The following UNC45B variants were observed in gnomAD, a reference collection of about 807,000 sequenced individuals.
UNC45B encodes the protein unc-45 myosin chaperone B.
Under a neutral mutation model 98.7 loss-of-function variants are expected in UNC45B, and 78 were observed. The ratio of observed to expected loss-of-function variants is 0.79; its 90% CI spans 0.66 to 0.95. The LOEUF (loss-of-function observed/expected upper bound fraction) is 0.95, where lower values mean the gene tolerates loss of function less well. Ranked by LOEUF, UNC45B falls within the 40% of genes least tolerant of loss-of-function variation. UNC45B has a pLI of 0.00. For missense variants in UNC45B, 1,225 were observed against 1,184.9 expected (o/e 1.03, Z -0.50); for synonymous variants, 462 against 480.4 (o/e 0.96, Z 0.50).
Position 35,159,525 on chromosome 17 carries a change from C to G in UNC45B, c.959C>G (p.Thr320Ser). Reference protein sequence around the residue: ...KDLAIHDNSRTIYVVDNGLRK... With the variant: ...KDLAIHDNSRSIYVVDNGLRK... ...CTTGCCATTCATGACAACTCACGTACCATCTATGTGGTGGATAATGGTGAG... is the reference window on the plus strand; with the variant it reads ...CTTGCCATTCATGACAACTCACGTAGCATCTATGTGGTGGATAATGGTGAG... Residue 320 changes from threonine (T) to serine (S), a missense_variant, in exon 8 of 20, where the codon ACC (threonine) becomes AGC (serine). Physicochemically the swap from Thr to Ser is moderately conservative, Grantham distance 58. Transcript: ENST00000394570. 6.2e-7 allele frequency: 1 copy of G among 1,614,002 alleles called. No individual in the cohort carries two copies. Among genetic ancestry groups the G allele is most frequent in the Non-Finnish European group, 8.5e-7 (1 of 1,179,958 alleles).
At chr17:35,158,132 T>C (rs1224585224) in intron 7 of UNC45B, among the ~76,000 whole-genome samples, 1 of 152,230 alleles carries the variant, frequency 6.6e-6, no homozygotes, top group Non-Finnish European at 1.5e-5. Context: ...TGCTGTGGCC[T>C]CCCAAAATAT....
intron 17 of UNC45B, among the ~76,000 whole-genome samples, chr17:35,177,841 T>C (rs1005179357): frequency 6.7e-6 from 1 of 148,590 alleles, no homozygotes; most frequent in Admixed American, 6.7e-5. Context: ...TTTTCTTTTG[T>C]CTTTTCTTTT....
chr17:35,169,768 G>T, intron 10 of UNC45B, 69 bp from the exon 11 acceptor site: 1 of 1,396,742 alleles, frequency 7.2e-7, no homozygotes, highest in Non-Finnish European at 1.0e-6. Flanking sequence ...ACCTGTTTGA[G>T]CAAGGCTTCA....
chr17:35,163,388 C>T (rs2092115416), intron 8 of UNC45B, among the ~76,000 whole-genome samples: 1 of 152,170 alleles, frequency 6.6e-6, no homozygotes, highest in Non-Finnish European at 1.5e-5. Flanking sequence ...TTAACAAAGA[C>T]ATGACTGTTG....
Position 35,168,242 on chromosome 17 carries a change from C to A in UNC45B, c.1333C>A (p.Leu445Ile). The A allele has an allele frequency of 6.3e-7, 1 of 1,586,308 alleles. No homozygotes were observed. Among genetic ancestry groups the A allele is most frequent in the East Asian group, 2.3e-5 (1 of 42,744 alleles). Residue 445 changes from leucine to isoleucine, a missense_variant, in exon 10 of 20, where the codon CTC becomes ATC. Coordinates refer to ENST00000394570, the MANE Select transcript of UNC45B (RefSeq NM_001267052.2). Reference sequence around the variant, plus strand: ...GGACCAGCTGGTGGCCGTGGAGGCCCTCATCCATGCCTCCACGAAGCTCAG... The same window carrying A: ...GGACCAGCTGGTGGCCGTGGAGGCCATCATCCATGCCTCCACGAAGCTCAG... Reference protein sequence around the residue: ...ETDQLVAVEALIHASTKLSRA... With the variant: ...ETDQLVAVEAIIHASTKLSRA...
At chr17:35,151,603 T>G (rs189146677) in intron 4 of UNC45B, among the ~76,000 whole-genome samples, 43 of 152,270 alleles carry the variant, frequency 2.8e-4, no homozygotes, top group African/African-American at 7.9e-4. Flanking sequence ...GGGTGTTGGT[T>G]TCCTCTCTGT....
intron 19 of UNC45B, among the ~76,000 whole-genome samples, chr17:35,185,480 G>A (rs1211882011): frequency 2.0e-5 from 3 of 151,900 alleles, no homozygotes; most frequent in Non-Finnish European, 4.4e-5. Context: ...GCTAATTTTT[G>A]TATTTTTAGT....
At chr17:35,155,957 T>C (rs1389441048) in intron 7 of UNC45B, among the ~76,000 whole-genome samples, 2 of 152,194 alleles carry the variant, frequency 1.3e-5, no homozygotes, top group Non-Finnish European at 2.9e-5. Context: ...CAAGCGTCTA[T>C]TGGTGGGTGA....
intron 1 of UNC45B, 35 bp from the exon 2 acceptor site, chr17:35,148,229 G>A: frequency 2.5e-6 from 4 of 1,612,154 alleles, no homozygotes; most frequent in Non-Finnish European, 2.5e-6. Flanking sequence ...CTGCAGTGAG[G>A]GGCTGACCAG....
At chr17:35,167,167 G>T (rs8077306) in intron 9 of UNC45B, among the ~76,000 whole-genome samples, 1 of 152,018 alleles carries the variant, frequency 6.6e-6, no homozygotes, top group Non-Finnish European at 1.5e-5. Flanking sequence ...CGGGCATCAC[G>T]CTAGGCCTTT....
At chr17:35,153,281 A>G (rs369820472) in intron 5 of UNC45B, among the ~76,000 whole-genome samples, 2 of 152,294 alleles carry the variant, frequency 1.3e-5, no homozygotes, top group African/African-American at 2.4e-5. Flanking sequence ...AGCATTGATT[A>G]TTATTCGATT....
At chr17:35,161,605 G>A (rs1325255626) in intron 8 of UNC45B, among the ~76,000 whole-genome samples, 4 of 152,156 alleles carry the variant, frequency 2.6e-5, no homozygotes, top group Non-Finnish European at 5.9e-5. Flanking sequence ...TTAAATGCAT[G>A]CTTGTTGCAT....
Position 35,172,411 on chromosome 17 carries a change from G to A in UNC45B, c.1830+949G>A, listed in dbSNP as rs572348253. ...ATTCCAGGCATGCACCACCATGCCC[G>A]GCTAATTTTGTGTTTTCAGTAGAAA... is the stretch of plus-strand genomic sequence containing the variant. On this transcript the variant is annotated intron_variant, in intron 13 of 19. Transcript: ENST00000394570. 1.2e-4 allele frequency among the ~76,000 whole-genome samples: 18 copies of A among 152,092 alleles called. No homozygotes were observed. In the South Asian group the frequency reaches 1.2e-3, roughly 11 times the overall value.
chr17:35,172,092 C>CT (rs2092191272), intron 13 of UNC45B, among the ~76,000 whole-genome samples: 1 of 152,044 alleles, frequency 6.6e-6, no homozygotes, highest in South Asian at 2.1e-4. Flanking sequence ...CACATGACTG[C>CT]TGTTGGCATT....
chr17:35,154,482 T>A, intron 5 of UNC45B, 92 bp from the exon 6 acceptor site: 1 of 1,198,862 alleles, frequency 8.3e-7, no homozygotes, highest in Non-Finnish European at 1.2e-6. Context: ...GAAGATCCAG[T>A]CTTTGCACTG....
intron 10 of UNC45B, among the ~76,000 whole-genome samples, 193 bp downstream of exon 10, chr17:35,168,554 A>T (rs1291758237): frequency 2.0e-5 from 3 of 152,166 alleles, no homozygotes; most frequent in Non-Finnish European, 4.4e-5. Flanking sequence ...CAGAACCGTG[A>T]ACTCTGCTGC....
intron 15 of UNC45B, 135 bp downstream of exon 15, chr17:35,176,169 C>A: frequency 2.5e-6 from 2 of 802,356 alleles, no homozygotes; most frequent in Middle Eastern, 4.6e-4. Context: ...GTGCTCATAG[C>A]CCCAAGCCAA....
At chr17:35,180,303 A>G (rs1252876409) in intron 17 of UNC45B, among the ~76,000 whole-genome samples, 1 of 145,808 alleles carries the variant, frequency 6.9e-6, no homozygotes. Flanking sequence ...TCTTTACTGC[A>G]ATAATACAGA....
At position 35,148,331 on chromosome 17, in the gene UNC45B, A is replaced by G. The variant is rs762755819; in HGVS notation, c.68A>G (p.Lys23Arg). Residue 23 changes from lysine to arginine, a missense_variant, in exon 2 of 20, where the codon AAG becomes AGG. Transcript: ENST00000394570. The part of the protein sequence containing the change: ...GNRHFQLQDY[K>R]AATNSYSQAL... ...CGGCATTTCCAGCTCCAGGACTACA[A>G]GGCCGCCACAAATAGCTACAGCCAG... is the stretch of plus-strand genomic sequence containing the variant. 1 of 1,614,186 alleles carries G rather than the reference A, an allele frequency of 6.2e-7. No individual in the cohort carries two copies. Among genetic ancestry groups the G allele is most frequent in the Non-Finnish European group, 8.5e-7 (1 of 1,180,020 alleles).
Sources: gnomAD v4.1 joint callset for allele counts (sites outside exome capture counted in the v4.1 genomes callset) on GRCh38, gnomAD v4.1.1 for gene constraint, MANE v1.5 for transcripts, NCBI Gene and HGNC (gene_info 2026-07-23, HGNC 2026-07-21) for gene names.